The following MAGI2 variants were observed in gnomAD, a reference collection of about 807,000 sequenced individuals.
MAGI2 encodes membrane-associated guanylate kinase, WW and PDZ domain-containing protein 2.
MAGI2 carries 35 observed loss-of-function variants against 133.3 expected under a neutral mutation model. The observed-to-expected ratio is 0.26, with a 90% CI of 0.20 to 0.35. The LOEUF is 0.35. Ranked by LOEUF, MAGI2 falls within the 10% of genes least tolerant of loss-of-function variation. The pLI is 1.00. For synonymous variants in MAGI2, 729 were observed against 710.6 expected, an observed-to-expected ratio of 1.03 and a Z score of -0.41; for missense variants, 1,636 against 1,863.4, an observed-to-expected ratio of 0.88 and a Z score of 2.25.
intron 9 of MAGI2, 77 bp from the exon 10 acceptor site, chr7:78,256,658 G>A (rs1793012107): frequency 8.3e-7 from 1 of 1,202,060 alleles, no homozygotes; most frequent in Admixed American, 2.1e-5. Flanking sequence ...TTATTTACGA[G>A]ACTAGTGAGA....
Position 78,334,737 on chromosome 7 carries a change from G to A in MAGI2, c.1408+9041C>T, listed in dbSNP as rs140692714. Among the ~76,000 whole-genome samples, 852 of 152,198 alleles carry A rather than the reference G, an allele frequency of 5.6e-3. 7 individuals are homozygous for A. Among genetic ancestry groups the A allele is most frequent in the African/African-American group, 0.019 (796 of 41,514 alleles). The stretch of plus-strand genomic sequence containing the variant: ...GGCATATCCACGGGGCATATGATGC[G>A]GATTCTGACTTTTGGTTCAAGATAA... On this transcript the variant is annotated intron_variant, in intron 9 of 21. Coordinates refer to ENST00000354212, the MANE Select transcript of MAGI2 (RefSeq NM_012301.4).
At chr7:78,471,935 A>T (rs1563050138) in intron 6 of MAGI2, among the ~76,000 whole-genome samples, 1 of 151,980 alleles carries the variant, frequency 6.6e-6, no homozygotes, top group Non-Finnish European at 1.5e-5. Context: ...AAAAAAAAAA[A>T]AGTAAGGGGA....
At chr7:78,756,332 C>A (rs1451532825) in intron 2 of MAGI2, among the ~76,000 whole-genome samples, 1 of 152,300 alleles carries the variant, frequency 6.6e-6, no homozygotes, top group Non-Finnish European at 1.5e-5. Flanking sequence ...AAAGTAAACT[C>A]AAGCATCAGT....
chr7:78,301,805 T>G (rs1225898850), intron 9 of MAGI2, among the ~76,000 whole-genome samples: 1 of 152,208 alleles, frequency 6.6e-6, no homozygotes, highest in Non-Finnish European at 1.5e-5. Context: ...AGTATGTGCT[T>G]AAGATCAGGG....
chr7:78,655,330 G>A (rs1476910767), intron 2 of MAGI2, among the ~76,000 whole-genome samples: 1 of 150,906 alleles, frequency 6.6e-6, no homozygotes, highest in Non-Finnish European at 1.5e-5. Flanking sequence ...TCCCCTGACC[G>A]AAAAGGAGTC....
chr7:78,021,861 C>T (rs560475807), intron 21 of MAGI2, among the ~76,000 whole-genome samples: 6 of 152,308 alleles, frequency 3.9e-5, no homozygotes, highest in African/African-American at 1.4e-4. Context: ...TCCAACTTTA[C>T]AGATGTGAGA....
chr7:78,963,035 C>T (rs1457854782), intron 2 of MAGI2, among the ~76,000 whole-genome samples: 1 of 152,052 alleles, frequency 6.6e-6, no homozygotes, highest in African/African-American at 2.4e-5. Flanking sequence ...TCTTCACTTG[C>T]TCCCTCAAAC....
At chr7:79,116,873 G>A (rs1819458805) in intron 1 of MAGI2, among the ~76,000 whole-genome samples, 2 of 152,108 alleles carry the variant, frequency 1.3e-5, no homozygotes, top group African/African-American at 4.8e-5. Context: ...TAAGCTTCCT[G>A]AGGCCCTCAC....
At chr7:78,103,999 C>T (rs1187826885) in intron 20 of MAGI2, among the ~76,000 whole-genome samples, 2 of 152,182 alleles carry the variant, frequency 1.3e-5, no homozygotes, top group Non-Finnish European at 2.9e-5. Context: ...ATCTGAGCTA[C>T]GGTGGATTAC....
intron 10 of MAGI2, among the ~76,000 whole-genome samples, chr7:78,226,260 C>T (rs985524250): frequency 3.3e-5 from 5 of 151,262 alleles, no homozygotes; most frequent in African/African-American, 1.2e-4. Flanking sequence ...TGCCCCCTAC[C>T]GGTGTGCAGT....
At chr7:78,480,379 CA>C (rs1385425865) in intron 6 of MAGI2, among the ~76,000 whole-genome samples, 2 of 150,470 alleles carry the variant, frequency 1.3e-5, no homozygotes, top group Non-Finnish European at 3.0e-5. Context: ...AAAGACAGTA[CA>C]AAAAAAAATT....
At chr7:78,843,144 C>G (rs1792288364) in intron 2 of MAGI2, among the ~76,000 whole-genome samples, 1 of 151,830 alleles carries the variant, frequency 6.6e-6, no homozygotes, top group Admixed American at 6.6e-5. Flanking sequence ...ACGTCCCTGG[C>G]CTCTATCCAC....
intron 3 of MAGI2, among the ~76,000 whole-genome samples, chr7:78,582,129 G>A (rs1802900009): frequency 1.3e-5 from 2 of 152,174 alleles, no homozygotes; most frequent in Non-Finnish European, 2.9e-5. Context: ...TGAGTAGTGT[G>A]TCCTGAACCC....
chr7:78,839,702 G>A (rs1365333274), intron 2 of MAGI2, among the ~76,000 whole-genome samples: 3 of 152,062 alleles, frequency 2.0e-5, no homozygotes, highest in Non-Finnish European at 4.4e-5. Context: ...ACAGCCTGGG[G>A]GAAATTGCCT....
rs528691008 is a variant in MAGI2, at chr7:78,071,537, C to T, written c.3706+7410G>A. Among the ~76,000 whole-genome samples, 26 of 151,666 alleles carry T rather than the reference C, an allele frequency of 1.7e-4. 1 individual carries two copies. The highest frequency in any genetic ancestry group is 1.0e-3 in the South Asian group (5 of 4,788). On this transcript the variant is annotated intron_variant, in intron 21 of 21. Transcript: ENST00000354212. The stretch of plus-strand genomic sequence containing the variant: ...GGACTACAGAGCCAGACCCTGTCCC[C>T]GCTGCCAGAAAAAAAAGAAAGCCCC...
At chr7:78,728,977 C>T (rs1821109328) in intron 2 of MAGI2, among the ~76,000 whole-genome samples, 1 of 152,104 alleles carries the variant, frequency 6.6e-6, no homozygotes, top group Admixed American at 6.5e-5. Flanking sequence ...TAGGCTTCTG[C>T]TCACTGAAAA....
intron 6 of MAGI2, among the ~76,000 whole-genome samples, chr7:78,407,707 C>G (rs917380364): frequency 6.6e-6 from 1 of 151,330 alleles, no homozygotes; most frequent in Non-Finnish European, 1.5e-5. Context: ...TTGGCTTTAA[C>G]ATCTTTGAAG....
chr7:78,684,993 G>A (rs1267512126), intron 2 of MAGI2, among the ~76,000 whole-genome samples: 1 of 152,170 alleles, frequency 6.6e-6, no homozygotes, highest in Non-Finnish European at 1.5e-5. Flanking sequence ...TAAATTAACA[G>A]GCTTCTCATA....
chr7:79,031,018 C>T (rs1810517634), intron 1 of MAGI2, among the ~76,000 whole-genome samples: 1 of 152,140 alleles, frequency 6.6e-6, no homozygotes, highest in Admixed American at 6.6e-5. Flanking sequence ...TACATCTGAA[C>T]AACTAGCACC....
Sources: allele counts gnomAD v4.1 joint callset (sites outside exome capture counted in the v4.1 genomes callset), GRCh38; gene constraint gnomAD v4.1.1; transcripts MANE v1.5; gene names NCBI Gene and HGNC (gene_info 2026-07-23, HGNC 2026-07-21).